SLC2A13: variants seen among roughly 807,000 people sequenced by gnomAD.
SLC2A13 encodes solute carrier family 2 member 13, also known as proton myo-inositol cotransporter.
SLC2A13 carries 32 observed loss-of-function variants against 64.4 expected under a neutral mutation model. The observed-to-expected ratio is 0.50, with a 90% CI of 0.37 to 0.67. The LOEUF (loss-of-function observed/expected upper bound fraction) is 0.67. SLC2A13 is among the 30% of genes least tolerant of loss of function. The probability of loss-of-function intolerance (pLI) is 0.00; values close to 1 mark genes in which losing one functional copy is unlikely to be tolerated. For synonymous variants in SLC2A13, 338 were observed against 327.1 expected (o/e 1.03, Z -0.36); for missense variants, 743 against 829.2 (o/e 0.90, Z 1.28).
chr12:39,875,919 A>T (rs1944173212), intron 4 of SLC2A13, among the ~76,000 whole-genome samples: 1 of 152,208 alleles, frequency 6.6e-6, no homozygotes, highest in Non-Finnish European at 1.5e-5. Flanking sequence ...AAGGGACTGT[A>T]TTCATTCAAA....
At chr12:39,770,482 A>G (rs544109722) in intron 7 of SLC2A13, among the ~76,000 whole-genome samples, 38 of 152,322 alleles carry the variant, frequency 2.5e-4, no homozygotes, top group African/African-American at 6.5e-4. Context: ...GACATTAGCA[A>G]TAACAGTTAT....
intron 7 of SLC2A13, among the ~76,000 whole-genome samples, chr12:39,803,381 A>G (rs932866473): frequency 1.3e-5 from 2 of 152,186 alleles, no homozygotes; most frequent in Admixed American, 1.3e-4. Flanking sequence ...ACAACAATAA[A>G]CAGCAGAGCC....
At chr12:39,788,425 A>G (rs1206502682) in intron 7 of SLC2A13, among the ~76,000 whole-genome samples, 3 of 152,208 alleles carry the variant, frequency 2.0e-5, no homozygotes, top group African/African-American at 4.8e-5. Context: ...AGGTGCAGCT[A>G]GCTGAGACAG....
intron 1 of SLC2A13, among the ~76,000 whole-genome samples, chr12:40,080,824 A>G (rs1938368405): frequency 6.6e-6 from 1 of 152,228 alleles, no homozygotes. Flanking sequence ...AAGTGTTTTT[A>G]TAGTGGCAGA....
intron 1 of SLC2A13, among the ~76,000 whole-genome samples, chr12:40,076,055 T>C (rs1253858307): frequency 6.6e-6 from 1 of 152,226 alleles, no homozygotes; most frequent in East Asian, 1.9e-4. Context: ...CATCTTGTAG[T>C]GAGCACCTGT....
At chr12:39,940,862 C>T (rs569604561) in intron 4 of SLC2A13, among the ~76,000 whole-genome samples, 8 of 137,984 alleles carry the variant, frequency 5.8e-5, no homozygotes, top group African/African-American at 2.0e-4. Flanking sequence ...TCCCTCACCC[C>T]CATCCCACTC....
intron 3 of SLC2A13, among the ~76,000 whole-genome samples, chr12:40,025,103 C>T (rs1166375542): frequency 6.6e-6 from 1 of 152,126 alleles, no homozygotes; most frequent in Non-Finnish European, 1.5e-5. Flanking sequence ...GTTTTGCCAA[C>T]TATAGTGGAA....
At chr12:40,067,737 T>G (rs1358603407) in intron 1 of SLC2A13, among the ~76,000 whole-genome samples, 1 of 152,202 alleles carries the variant, frequency 6.6e-6, no homozygotes, top group East Asian at 1.9e-4. Context: ...TATTCAGGAC[T>G]GCAGAAATAT....
chr12:39,763,301 T>A (rs562460014), intron 9 of SLC2A13, among the ~76,000 whole-genome samples: 1 of 152,064 alleles, frequency 6.6e-6, no homozygotes, highest in East Asian at 1.9e-4. Flanking sequence ...TTTATGAAGA[T>A]AATAAAAGCA....
intron 1 of SLC2A13, among the ~76,000 whole-genome samples, chr12:40,094,574 C>T (rs1938875697): frequency 6.6e-6 from 1 of 151,970 alleles, no homozygotes; most frequent in Non-Finnish European, 1.5e-5. Context: ...TTGCACTGAC[C>T]AACACAGAGG....
At chr12:40,059,207 C>A (rs1948379238) in intron 1 of SLC2A13, among the ~76,000 whole-genome samples, 1 of 152,142 alleles carries the variant, frequency 6.6e-6, no homozygotes, top group Non-Finnish European at 1.5e-5. Context: ...ATTGTCTTAT[C>A]CCTTTTTATT....
At chr12:39,776,963 C>T (rs1266616713) in intron 7 of SLC2A13, among the ~76,000 whole-genome samples, 2 of 152,200 alleles carry the variant, frequency 1.3e-5, no homozygotes, top group East Asian at 3.9e-4. Context: ...TTTTTATAGA[C>T]ATGGCATAAA....
chr12:40,034,249 A>G (rs1032442338), intron 2 of SLC2A13, among the ~76,000 whole-genome samples: 5 of 152,164 alleles, frequency 3.3e-5, no homozygotes, highest in Non-Finnish European at 5.9e-5. Context: ...CAGACACCAT[A>G]CTCATTTAGT....
intron 4 of SLC2A13, among the ~76,000 whole-genome samples, chr12:39,875,336 T>C (rs74086918): frequency 6.6e-6 from 1 of 152,200 alleles, no homozygotes; most frequent in Admixed American, 6.5e-5. Context: ...ATTTGTCAAG[T>C]CCCTCTCATG....
chr12:40,064,837 T>TA (rs1937663709), intron 1 of SLC2A13, among the ~76,000 whole-genome samples: 1 of 152,190 alleles, frequency 6.6e-6, no homozygotes, highest in Non-Finnish European at 1.5e-5. Flanking sequence ...AACTGATGGT[T>TA]AATTAATTAA....
intron 1 of SLC2A13, among the ~76,000 whole-genome samples, chr12:40,098,239 C>T (rs1939029053): frequency 6.6e-6 from 1 of 152,038 alleles, no homozygotes; most frequent in Non-Finnish European, 1.5e-5. Flanking sequence ...AGTAAGCCAA[C>T]AAAGGACAAA....
At chr12:39,796,709 A>G (rs1408465861) in intron 7 of SLC2A13, among the ~76,000 whole-genome samples, 1 of 152,152 alleles carries the variant, frequency 6.6e-6, no homozygotes, top group African/African-American at 2.4e-5. Flanking sequence ...ATTGAAATCA[A>G]CTTTGTTTAG....
At chr12:39,898,118 C>G (rs1944975801) in intron 4 of SLC2A13, among the ~76,000 whole-genome samples, 1 of 152,078 alleles carries the variant, frequency 6.6e-6, no homozygotes, top group Admixed American at 6.6e-5. Flanking sequence ...TATTTAAAGC[C>G]TTCTGGTGAA....
Position 40,028,461 on chromosome 12 carries a change from G to C in SLC2A13, c.765C>G (p.Gly255=). ...GAGGGCTTTCAGGCAAAAAGAGAAA[G>C]CCAAAAAACTGTATAACCGCCGGAA... ...AAVPAVIQFF[G]FLFLPESPRW... Residue 255 remains glycine (G), a synonymous_variant, in exon 3 of 10, where the codon GGC becomes GGG. Transcript: ENST00000280871. 1.2e-6 allele frequency: 2 copies of C among 1,613,876 alleles called. No individual in the cohort carries two copies. Among genetic ancestry groups the C allele is most frequent in the Non-Finnish European group, 1.7e-6 (2 of 1,179,932 alleles).
Sources: gnomAD v4.1 joint callset for allele counts (sites outside exome capture counted in the v4.1 genomes callset) on GRCh38, gnomAD v4.1.1 for gene constraint, MANE v1.5 for transcripts, NCBI Gene and HGNC (gene_info 2026-07-23, HGNC 2026-07-21) for gene names.